FRMD3: variants seen among roughly 807,000 people sequenced by gnomAD.
The protein encoded by FRMD3 is FERM domain-containing protein 3.
In FRMD3, 33 loss-of-function variants were observed where a neutral mutation model predicts 70.2. That is an observed-to-expected ratio of 0.47 (90% CI 0.36 to 0.63). The LOEUF (loss-of-function observed/expected upper bound fraction) is 0.63. Among genes scored for constraint, FRMD3 ranks in the 20% least tolerant of loss-of-function variants. The probability of loss-of-function intolerance (pLI) is 0.00; values close to 1 mark genes in which losing one functional copy is unlikely to be tolerated. For synonymous variants in FRMD3, 279 were observed against 255.9 expected, an observed-to-expected ratio of 1.09 and a Z score of -0.86; for missense variants, 632 against 711.4, an observed-to-expected ratio of 0.89 and a Z score of 1.27.
chr9:83,384,188 A>G lies in FRMD3; in HGVS notation c.252+5416T>C, dbSNP rs564227675. 2.0e-5 allele frequency among the ~76,000 whole-genome samples: 3 copies of G among 152,350 alleles called. No individual in the cohort carries two copies. The East Asian group carries it at 5.8e-4, about 29-fold the overall frequency. On this transcript the variant is annotated intron_variant, in intron 2 of 13. Transcript: ENST00000304195. The stretch of plus-strand genomic sequence containing the variant: ...TGATCTTTAATACCTTTTGAAACGT[A>G]AACAAAAGAGGACTCATTGAGCAGA...
intron 2 of FRMD3, among the ~76,000 whole-genome samples, chr9:83,377,939 A>G (rs1266756570): frequency 3.9e-5 from 6 of 152,206 alleles, no homozygotes; most frequent in Non-Finnish European, 7.3e-5. Context: ...GAATGAGTTC[A>G]TACATGATAG....
intron 3 of FRMD3, 106 bp downstream of exon 3, chr9:83,372,807 C>T: frequency 9.8e-7 from 1 of 1,025,346 alleles, no homozygotes; most frequent in Non-Finnish European, 1.5e-6. Flanking sequence ...CACCCCCCAA[C>T]ACCTCTTCAA....
At chr9:83,348,361 C>A (rs1351545012) in intron 4 of FRMD3, among the ~76,000 whole-genome samples, 1 of 152,090 alleles carries the variant, frequency 6.6e-6, no homozygotes, top group East Asian at 1.9e-4. Context: ...CAAAATCAGA[C>A]CAAGGCTACA....
chr9:83,248,656 A>G (rs1245334852), intron 13 of FRMD3, 140 bp from the exon 14 acceptor site: 1 of 927,894 alleles, frequency 1.1e-6, no homozygotes, highest in Non-Finnish European at 1.6e-6. Context: ...AGTTGTAACA[A>G]AGTCGTATTA....
intron 1 of FRMD3, among the ~76,000 whole-genome samples, chr9:83,434,809 C>T (rs931200141): frequency 1.3e-5 from 2 of 148,876 alleles, no homozygotes; most frequent in African/African-American, 2.5e-5. Flanking sequence ...TCCCCTCCCC[C>T]ACCCCTCTGC....
the FRMD3 span, among the ~76,000 whole-genome samples, chr9:83,573,738 TTCTCTCTCTCTC>T: frequency 1.4e-5 from 2 of 146,154 alleles, no homozygotes; most frequent in Non-Finnish European, 3.0e-5. Context: ...AAAAGAACGA[TTCTCTCTCTCTC>T]TCTCTCTCTC....
intron 6 of FRMD3, among the ~76,000 whole-genome samples, chr9:83,329,381 G>A (rs925452845): frequency 6.6e-6 from 1 of 152,188 alleles, no homozygotes; most frequent in African/African-American, 2.4e-5. Context: ...GATTGGGGTT[G>A]TAAAATAACC....
intron 3 of FRMD3, among the ~76,000 whole-genome samples, chr9:83,360,064 G>A (rs1016284631): frequency 4.6e-5 from 7 of 152,158 alleles, no homozygotes; most frequent in Non-Finnish European, 1.0e-4. Flanking sequence ...AGACAGGTGT[G>A]TATATGAAGA....
At chr9:83,518,736 A>C (rs1457799889) in intron 1 of FRMD3, among the ~76,000 whole-genome samples, 3 of 152,188 alleles carry the variant, frequency 2.0e-5, no homozygotes, top group Non-Finnish European at 4.4e-5. Context: ...ACCTGACTTC[A>C]AACTATACTA....
At chr9:83,509,100 G>A (rs891323499) in intron 1 of FRMD3, among the ~76,000 whole-genome samples, 7 of 148,716 alleles carry the variant, frequency 4.7e-5, no homozygotes, top group South Asian at 2.1e-4. Flanking sequence ...CCTCCCTTCA[G>A]GAGAATGTAA....
chr9:83,395,125 G>A (rs1359500798), intron 1 of FRMD3, among the ~76,000 whole-genome samples: 2 of 151,904 alleles, frequency 1.3e-5, no homozygotes, highest in Non-Finnish European at 1.5e-5. Context: ...TTTGTAAACT[G>A]CAAAGTATTA....
At chr9:83,309,115 C>T (rs1835250519) in intron 10 of FRMD3, among the ~76,000 whole-genome samples, 1 of 152,144 alleles carries the variant, frequency 6.6e-6, no homozygotes, top group Non-Finnish European at 1.5e-5. Flanking sequence ...CCCCCCACCA[C>T]TCCCCTACTG....
At chr9:83,265,910 G>A (rs1029809380) in intron 13 of FRMD3, among the ~76,000 whole-genome samples, 1 of 152,104 alleles carries the variant, frequency 6.6e-6, no homozygotes, top group African/African-American at 2.4e-5. Flanking sequence ...GTATACATAT[G>A]CATTGCAGTA....
chr9:83,407,869 C>CTTCTT (rs1826161787), intron 1 of FRMD3, among the ~76,000 whole-genome samples: 1 of 121,312 alleles, frequency 8.2e-6, no homozygotes, highest in Non-Finnish European at 1.6e-5. Context: ...CTCTCTCTCT[C>CTTCTT]TCTCATCTTT....
At chr9:83,505,380 T>G (rs566650602) in intron 1 of FRMD3, among the ~76,000 whole-genome samples, 1 of 152,296 alleles carries the variant, frequency 6.6e-6, no homozygotes, top group South Asian at 2.1e-4. Flanking sequence ...TAAGCCCCAG[T>G]TGGCAAGTCC....
chr9:83,326,331 C>G (rs1320043280), intron 6 of FRMD3, among the ~76,000 whole-genome samples: 2 of 152,130 alleles, frequency 1.3e-5, no homozygotes, highest in Non-Finnish European at 2.9e-5. Context: ...AGGGGAATGT[C>G]AAGCAGGATG....
At chr9:83,268,460 A>G (rs920388603) in intron 13 of FRMD3, among the ~76,000 whole-genome samples, 2 of 152,242 alleles carry the variant, frequency 1.3e-5, no homozygotes, top group Non-Finnish European at 2.9e-5. Flanking sequence ...TCATCAGAGT[A>G]TCATTTATTA....
intron 13 of FRMD3, among the ~76,000 whole-genome samples, chr9:83,286,038 G>C (rs1178458197): frequency 6.6e-6 from 1 of 152,156 alleles, no homozygotes; most frequent in African/African-American, 2.4e-5. Flanking sequence ...TAATCCTCCA[G>C]CTGTCATATG....
At chr9:83,451,841 A>G (rs1311745603) in intron 1 of FRMD3, among the ~76,000 whole-genome samples, 1 of 152,230 alleles carries the variant, frequency 6.6e-6, no homozygotes, top group Non-Finnish European at 1.5e-5. Flanking sequence ...CTAACAATTT[A>G]ACAATTTATA....
Sources: gnomAD v4.1 joint callset for allele counts (sites outside exome capture counted in the v4.1 genomes callset) on GRCh38, gnomAD v4.1.1 for gene constraint, MANE v1.5 for transcripts, NCBI Gene and HGNC (gene_info 2026-07-23, HGNC 2026-07-21) for gene names.